RGS11: variants seen among roughly 807,000 people sequenced by gnomAD.
RGS11 encodes regulator of G-protein signaling 11.
A neutral mutation model predicts 71.1 loss-of-function variants in RGS11; 86 were observed. The observed-to-expected ratio is 1.21, with a 90% CI of 1.02 to 1.45. The LOEUF is 1.45. Ranked by LOEUF, RGS11 falls within the 40% of genes most tolerant of loss-of-function variation. The probability of loss-of-function intolerance (pLI) is 0.00; values close to 1 mark genes in which losing one functional copy is unlikely to be tolerated. For synonymous variants in RGS11, 298 were observed against 254.2 expected, an observed-to-expected ratio of 1.17 and a Z score of -1.64; for missense variants, 734 against 635.1, an observed-to-expected ratio of 1.16 and a Z score of -1.67.
rs143797335 is a variant in RGS11 at position 272,826 on chromosome 16, G to C, written c.657+37C>G. ...TCCAGCAGGGTGCAGCCGGTGTGCA[G>C]GGTGAGAGGGCGGCCAGCACGCACG... On this transcript the variant is annotated intron_variant, in intron 9 of 16. Transcript: ENST00000397770. 3.1e-4 allele frequency: 471 copies of C among 1,539,098 alleles called. No homozygotes were observed. In the African/African-American group the frequency reaches 5.7e-3, roughly 19 times the overall value.
chr16:269,387 T>C lies in RGS11; in HGVS notation c.1290-4A>G. 2 of 1,599,456 alleles carry C rather than the reference T, an allele frequency of 1.3e-6. No individual in the cohort carries two copies. Among genetic ancestry groups the C allele is most frequent in the Non-Finnish European group, 1.7e-6 (2 of 1,172,570 alleles). ...CCTCCACGTAAACGGGAACACGCTGTGGGCGAGAAGGCGGCTGAGAACAGG... is the reference window on the plus strand; with the variant it reads ...CCTCCACGTAAACGGGAACACGCTGCGGGCGAGAAGGCGGCTGAGAACAGG... On this transcript the variant is annotated splice_polypyrimidine_tract_variant and splice_region_variant and intron_variant, in intron 16 of 16. Transcript: ENST00000397770.
rs2052141487 is a variant in RGS11, at chr16:275,647, CGG to C, written c.64-151_64-150del. ...CGCAGCTGGCGGCGGGGACGCGGGG[CGG>C]GCCGGGGAGGGCCGGGGAGGGCCGG... On this transcript the variant is annotated intron_variant, in intron 1 of 16. Transcript: ENST00000397770. 5.5e-5 allele frequency: 31 copies of C among 563,724 alleles called. No homozygotes were observed. In the East Asian group the frequency reaches 1.1e-3, roughly 20 times the overall value. 34.9% of individuals were successfully genotyped at this position (563,724 alleles called of 1,614,324 possible). A position where few individuals can be genotyped will look rare whatever the true frequency, so the allele number is the denominator to read the frequency against.
chr16:270,904 G>T, intron 13 of RGS11, 73 bp from the exon 14 acceptor site: 1 of 1,578,688 alleles, frequency 6.3e-7, no homozygotes. Context: ...TTCCCAGGGA[G>T]CTGGTGGAAA....
chr16:274,798 C>A, intron 4 of RGS11, 178 bp downstream of exon 4: 1 of 858,818 alleles, frequency 1.2e-6, no homozygotes, highest in Non-Finnish European at 1.9e-6. Flanking sequence ...TCACCACATC[C>A]GTACTTGCGG....
At chr16:275,163 G>A in intron 3 of RGS11, 81 bp from the exon 4 acceptor site, 2 of 1,566,570 alleles carry the variant, frequency 1.3e-6, no homozygotes, top group Admixed American at 3.6e-5. Flanking sequence ...TCCCCTATGT[G>A]CTCCCCACCC....
intron 4 of RGS11, chr16:274,659 C>T (rs1567241231): frequency 1.5e-6 from 1 of 657,454 alleles, no homozygotes; most frequent in Non-Finnish European, 2.8e-6. Flanking sequence ...GCCTTCACAG[C>T]CCCTCCCTCA....
rs1014346452 is a variant in RGS11 at position 275,328 on chromosome 16, C to T, written c.166G>A (p.Asp56Asn). 1.9e-6 allele frequency: 3 copies of T among 1,612,310 alleles called. No individual in the cohort carries two copies. The African/African-American group carries it at 4.0e-5, about 22-fold the overall frequency. Residue 56 changes from aspartate (D) to asparagine (N), a missense_variant, in exon 3 of 17, where the codon GAC becomes AAC. By Grantham distance (23) the Asp-to-Asn change is conservative. Transcript: ENST00000397770. ...TTCTGGGCCAACCACTGCACGACGT[C>T]GCTGCCTGCACGGGAGAGACAGAGG... The part of the protein sequence containing the change: ...TVIPHAVTGS[D>N]VVQWLAQKFC...
Position 275,880 on chromosome 16 carries a change from CG to C in RGS11, c.31del (p.Arg11AlafsTer9). On this transcript the variant is annotated frameshift_variant, in exon 1 of 17. Transcript: ENST00000397770. LOFTEE classifies it high-confidence loss of function. ...CAGATGCGGCATCTGCGCCCGGGGG[CG>C]GCCGGGGGGCGGCGCGGGGCCGGCG... Reference protein sequence around the residue: MAAGPAPPPGRPRAQMPHLRK... With the variant: MAAGPAPPPGXPRAQMPHLRK... 2 of 956,630 alleles carry C rather than the reference CG, an allele frequency of 2.1e-6. No individual in the cohort carries two copies. Among genetic ancestry groups the C allele is most frequent in the Non-Finnish European group, 2.6e-6 (2 of 784,094 alleles). 59.3% of individuals were successfully genotyped at this position (956,630 alleles called of 1,614,324 possible).
In RGS11 at chr16:274,211, C is replaced by A; in HGVS notation, c.370+3G>T. ...GTCTGGGGCCAGCCGTCCCCTTGCT[C>A]ACCATAGTCCAGCTCTGCAGCCGGC... On this transcript the variant is annotated splice_donor_region_variant and intron_variant, in intron 5 of 16. Coordinates refer to ENST00000397770, the MANE Select transcript of RGS11 (RefSeq NM_183337.3). The A allele has an allele frequency of 6.2e-7, 1 of 1,609,616 alleles. No individual in the cohort carries two copies.
chr16:274,079 GTTC>G lies in RGS11; in HGVS notation c.390_392del (p.Lys130del), dbSNP rs747849295. On this transcript the variant is annotated inframe_deletion, in exon 6 of 17. Transcript: ENST00000397770. ...CCACCAGGGTCCCCCGTTTTCGGATGTTCTTCTTGGCCAGGTAGATGGCTGGAA... is the reference window on the plus strand; with the variant it reads ...CCACCAGGGTCCCCCGTTTTCGGATGTTCTTGGCCAGGTAGATGGCTGGAA... 2.0e-5 allele frequency: 31 copies of G among 1,551,532 alleles called. No homozygotes were observed. Among genetic ancestry groups the G allele is most frequent in the Non-Finnish European group, 2.6e-5 (30 of 1,147,392 alleles).
chr16:273,877 G>A, intron 6 of RGS11, 41 bp from the exon 7 acceptor site: 2 of 1,582,198 alleles, frequency 1.3e-6, no homozygotes, highest in Non-Finnish European at 1.7e-6. Context: ...CCCGGCCCCT[G>A]CCCCCAGTGA....
Position 270,818 on chromosome 16 carries a change from G to A in RGS11, c.993C>T (p.Ser331=), listed in dbSNP as rs142001439. 1,253 of 1,611,890 alleles carry A rather than the reference G, an allele frequency of 7.8e-4. 9 individuals carry two copies. In the African/African-American group the frequency reaches 0.015, roughly 19 times the overall value. ...GAAGCTCCTCACATGCCTCCCAGAA[G>A]CTGAGGTTTTCTCCTGGGGGGCCGG... ...LGKEFSGENL[S]FWEACEELRY... Residue 331 remains serine, a synonymous_variant, in exon 14 of 17, where the codon AGC becomes AGT. Coordinates refer to ENST00000397770, the MANE Select transcript of RGS11 (RefSeq NM_183337.3).
chr16:273,325 T>C (rs1596905674), intron 8 of RGS11, 150 bp downstream of exon 8: 1 of 629,264 alleles, frequency 1.6e-6, no homozygotes, highest in Non-Finnish European at 2.7e-6. Context: ...CGCAACTAAG[T>C]CACGAAGTGA....
intron 5 of RGS11, 51 bp from the exon 6 acceptor site, chr16:274,152 G>A (rs760235919): frequency 2.3e-5 from 36 of 1,578,708 alleles, no homozygotes; most frequent in Middle Eastern, 1.7e-4. Flanking sequence ...CCTGCCTCAC[G>A]GCATCACCCT....
Position 275,914 on chromosome 16 carries a change from C to G in RGS11, c.-3G>C, listed in dbSNP as rs1176448336. 2 of 755,026 alleles carry G rather than the reference C, an allele frequency of 2.6e-6. No individual in the cohort carries two copies. The highest frequency in any genetic ancestry group is 6.3e-5 in the Admixed American group (1 of 15,856). The allele number at this position is 755,026 out of a possible 1,614,324, so 46.8% of individuals were successfully genotyped here. A position where few individuals can be genotyped will look rare whatever the true frequency, so the allele number is the denominator to read the frequency against. The stretch of plus-strand genomic sequence containing the variant: ...GGCGGCGCGGGGCCGGCGGCCATGG[C>G]TGCGGGGCGAGGCCGGCGGGGATGA... On this transcript the variant is annotated 5_prime_UTR_variant, in exon 1 of 17. Transcript: ENST00000397770.
At chr16:274,375 C>T in intron 4 of RGS11, 110 bp from the exon 5 acceptor site, 1 of 1,186,380 alleles carries the variant, frequency 8.4e-7, no homozygotes, top group Non-Finnish European at 1.2e-6. Context: ...CAGGAGGTGT[C>T]TGAGGATCTC....
Position 269,175 on chromosome 16 carries a change from C to A in RGS11, c.*94G>T. ...AAGGGGACACTGGTGCTGGGTTCAG[C>A]AGCCCCCAGGACCTGGGCCAAGACG... On this transcript the variant is annotated 3_prime_UTR_variant, in exon 17 of 17. Transcript: ENST00000397770. 5.8e-6 allele frequency: 6 copies of A among 1,043,126 alleles called. No homozygotes were observed. The highest frequency in any genetic ancestry group is 7.3e-6 in the Non-Finnish European group (5 of 686,136). The allele number at this position is 1,043,126 out of a possible 1,614,324, so 64.6% of individuals were successfully genotyped here.
In RGS11 at chr16:275,028, C is replaced by T; in HGVS notation, c.266G>A (p.Arg89His). The T allele has an allele frequency of 1.3e-6, 2 of 1,510,930 alleles. No homozygotes were observed. Among genetic ancestry groups the T allele is most frequent in the Non-Finnish European group, 1.8e-6 (2 of 1,126,470 alleles). The allele number at this position is 1,510,930 out of a possible 1,614,324, so 93.6% of individuals were successfully genotyped here. The change falls in exon 4 of 17, where the codon CGC becomes CAC. Residue 89 changes from arginine (R) to histidine (H), a missense_variant. Transcript: ENST00000397770. The part of the protein sequence containing the change: ...LVQHGYIYPL[R>H]DPRSLMLRPD... ...CCGGAGCATGAGGCTACGGGGGTCG[C>T]GCAGCGGGTAGATGTAGCCATGCTG...
At position 269,094 on chromosome 16, in the gene RGS11, G is replaced by A; in HGVS notation, c.*175C>T. On this transcript the variant is annotated 3_prime_UTR_variant, in exon 17 of 17. Transcript: ENST00000397770. ...GACCCATTCCTTCTGGGCAGGGAGG[G>A]CTTGCTGGAGGGAGGGAGGCTGTGC... The A allele has an allele frequency of 1.1e-6, 1 of 926,752 alleles. No homozygotes were observed. 57.4% of individuals were successfully genotyped at this position (926,752 alleles called of 1,614,324 possible).
Sources: allele counts gnomAD v4.1 joint callset, GRCh38; gene constraint gnomAD v4.1.1; transcripts MANE v1.5; gene names NCBI Gene and HGNC (gene_info 2026-07-23, HGNC 2026-07-21).